The following IQCM variants were observed in gnomAD, a reference collection of about 807,000 sequenced individuals.
IQCM encodes IQ domain-containing protein M.
In IQCM, 45 loss-of-function variants were observed where a neutral mutation model predicts 57.6. That is an observed-to-expected ratio of 0.78 (90% confidence interval 0.62 to 1.00). The LOEUF is 1.00. Ranked by LOEUF, IQCM falls within the 50% of genes least tolerant of loss-of-function variation. The probability of loss-of-function intolerance (pLI) is 0.00; values close to 1 mark genes in which losing one functional copy is unlikely to be tolerated. For synonymous variants in IQCM, 148 were observed against 158.9 expected (o/e 0.93, Z 0.51); for missense variants, 468 against 511.6 (o/e 0.91, Z 0.82).
At chr4:149,552,639 A>G (rs903684192) in intron 11 of IQCM, among the ~76,000 whole-genome samples, 4 of 152,126 alleles carry the variant, frequency 2.6e-5, no homozygotes, top group African/African-American at 9.7e-5. Context: ...CCCTCCTCCA[A>G]TGAACACAGT....
At chr4:149,557,903 A>C (rs1343853589) in intron 10 of IQCM, among the ~76,000 whole-genome samples, 1 of 152,162 alleles carries the variant, frequency 6.6e-6, no homozygotes, top group Admixed American at 6.6e-5. Flanking sequence ...TTTTTATCTT[A>C]AACTATCCTT....
chr4:149,718,224 TCTTA>T (rs1479557845), intron 5 of IQCM, among the ~76,000 whole-genome samples: 3 of 152,234 alleles, frequency 2.0e-5, no homozygotes, highest in Admixed American at 1.3e-4. Context: ...CATTCCTGTG[TCTTA>T]CTTCTCAATT....
At chr4:149,700,114 T>C (rs1763653673) in intron 5 of IQCM, among the ~76,000 whole-genome samples, 1 of 152,022 alleles carries the variant, frequency 6.6e-6, no homozygotes, top group Admixed American at 6.6e-5. Context: ...CTCTGAGCAA[T>C]CACAATCTGT....
At chr4:149,401,152 GATGA>G (rs1732593317) in intron 13 of IQCM, among the ~76,000 whole-genome samples, 1 of 151,614 alleles carries the variant, frequency 6.6e-6, no homozygotes, top group East Asian at 2.0e-4. Context: ...GAAGGGATAC[GATGA>G]TGTAAGTCCC....
At chr4:149,363,676 T>G (rs1440358504) in intron 13 of IQCM, among the ~76,000 whole-genome samples, 1 of 152,180 alleles carries the variant, frequency 6.6e-6, no homozygotes, top group Non-Finnish European at 1.5e-5. Context: ...AGTTTACCAA[T>G]TTTGAAACAT....
At chr4:149,760,307 G>A (rs1769383139) in intron 2 of IQCM, among the ~76,000 whole-genome samples, 1 of 152,034 alleles carries the variant, frequency 6.6e-6, no homozygotes, top group Non-Finnish European at 1.5e-5. Flanking sequence ...TTAACCATAA[G>A]CTAGCTCTTC....
At chr4:149,806,289 A>G (rs986589960) in intron 2 of IQCM, among the ~76,000 whole-genome samples, 1 of 151,926 alleles carries the variant, frequency 6.6e-6, no homozygotes, top group African/African-American at 2.4e-5. Context: ...AAGGAGGTAT[A>G]TCGGTCACCT....
intron 13 of IQCM, among the ~76,000 whole-genome samples, chr4:149,396,661 CT>C (rs1732250416): frequency 6.6e-6 from 1 of 151,926 alleles, no homozygotes; most frequent in Non-Finnish European, 1.5e-5. Context: ...ATCTCTAGAG[CT>C]TATTTGTATT....
At chr4:149,790,678 A>G (rs1338323929) in intron 2 of IQCM, among the ~76,000 whole-genome samples, 1 of 152,194 alleles carries the variant, frequency 6.6e-6, no homozygotes, top group African/African-American at 2.4e-5. Flanking sequence ...TTAATTGTGC[A>G]ATACAACCAA....
intron 2 of IQCM, among the ~76,000 whole-genome samples, chr4:149,758,068 A>C (rs904059653): frequency 1.3e-5 from 2 of 152,214 alleles, no homozygotes; most frequent in African/African-American, 4.8e-5. Context: ...GTAAAAGAAT[A>C]GAAAAATAGA....
chr4:149,420,709 C>A (rs958623875), intron 13 of IQCM, among the ~76,000 whole-genome samples: 1 of 151,916 alleles, frequency 6.6e-6, no homozygotes, highest in Non-Finnish European at 1.5e-5. Context: ...ACCACAGACA[C>A]CAGGTTATTA....
chr4:149,487,137 C>A (rs1196287931), intron 12 of IQCM, among the ~76,000 whole-genome samples: 1 of 152,084 alleles, frequency 6.6e-6, no homozygotes, highest in African/African-American at 2.4e-5. Flanking sequence ...GCTTTTTAGT[C>A]AGCAGGTGAT....
intron 9 of IQCM, among the ~76,000 whole-genome samples, chr4:149,585,318 C>G (rs1752556493): frequency 6.6e-6 from 1 of 151,592 alleles, no homozygotes; most frequent in Non-Finnish European, 1.5e-5. Flanking sequence ...ATGGGAAATT[C>G]CTCTGTAACA....
chr4:149,806,835 A>T (rs1248420296), intron 2 of IQCM, among the ~76,000 whole-genome samples: 1 of 151,912 alleles, frequency 6.6e-6, no homozygotes, highest in Non-Finnish European at 1.5e-5. Context: ...GAGCTTAAAA[A>T]ACATACATGA....
At chr4:149,525,252 C>G (rs1280255510) in intron 12 of IQCM, among the ~76,000 whole-genome samples, 4 of 151,704 alleles carry the variant, frequency 2.6e-5, no homozygotes, top group Non-Finnish European at 4.4e-5. Flanking sequence ...TAAAATATTA[C>G]AAAATAGAAT....
At chr4:149,670,681 C>T (rs985250311) in intron 7 of IQCM, among the ~76,000 whole-genome samples, 9 of 152,116 alleles carry the variant, frequency 5.9e-5, no homozygotes, top group Admixed American at 1.3e-4. Context: ...GAGTTTTTAG[C>T]ATGAAGTGCT....
chr4:149,426,240 A>G (rs898699604), intron 13 of IQCM, among the ~76,000 whole-genome samples: 3 of 151,994 alleles, frequency 2.0e-5, no homozygotes, highest in African/African-American at 7.2e-5. Flanking sequence ...CTGAAAGCCA[A>G]CCAGTCAGTG....
At chr4:149,670,827 C>G (rs1173784203) in intron 7 of IQCM, among the ~76,000 whole-genome samples, 1 of 152,046 alleles carries the variant, frequency 6.6e-6, no homozygotes, top group East Asian at 1.9e-4. Flanking sequence ...GGGATGAAGC[C>G]AATTCTATCA....
intron 5 of IQCM, among the ~76,000 whole-genome samples, chr4:149,696,264 C>G (rs546595035): frequency 6.6e-6 from 1 of 152,288 alleles, no homozygotes; most frequent in East Asian, 1.9e-4. Context: ...TGAACCTTTA[C>G]TGCAGCATTC....
Sources: allele counts gnomAD v4.1 joint callset (sites outside exome capture counted in the v4.1 genomes callset), GRCh38; gene constraint gnomAD v4.1.1; transcripts MANE v1.5; gene names NCBI Gene and HGNC (gene_info 2026-07-23, HGNC 2026-07-21).